LHFPL5: variants seen among roughly 807,000 people sequenced by gnomAD.
LHFPL5 encodes the protein LHFPL tetraspan subfamily member 5.
Under a neutral mutation model 18.7 loss-of-function variants are expected in LHFPL5, and 12 were observed. That is an observed-to-expected ratio of 0.64 (90% CI 0.41 to 1.04). LHFPL5 has a LOEUF of 1.04. LHFPL5 is among the 50% of genes least tolerant of loss of function. The pLI is 0.00. For synonymous variants in LHFPL5, 111 were observed against 120.2 expected, an observed-to-expected ratio of 0.92 and a Z score of 0.50; for missense variants, 259 against 292.1, an observed-to-expected ratio of 0.89 and a Z score of 0.83.
intron 3 of LHFPL5, among the ~76,000 whole-genome samples, chr6:35,820,272 G>A (rs1181859130): frequency 6.6e-6 from 1 of 151,894 alleles, no homozygotes; most frequent in Non-Finnish European, 1.5e-5. Context: ...TCATAGCCGA[G>A]GCAAAAAGAA....
intron 2 of LHFPL5, 71 bp from the exon 3 acceptor site, chr6:35,819,366 A>G: frequency 7.3e-7 from 1 of 1,370,632 alleles, no homozygotes; most frequent in Non-Finnish European, 1.0e-6. Context: ...TTGGAGATGG[A>G]GTAGTGTGCA....
chr6:35,821,250 A>T (rs1226520846), intron 3 of LHFPL5, among the ~76,000 whole-genome samples: 1 of 150,778 alleles, frequency 6.6e-6, no homozygotes, highest in Non-Finnish European at 1.5e-5. Context: ...GTTGCCATGA[A>T]CTGAGATCCC....
chr6:35,815,499 A>C (rs1212679014), intron 2 of LHFPL5, among the ~76,000 whole-genome samples: 2 of 152,120 alleles, frequency 1.3e-5, no homozygotes, highest in Non-Finnish European at 2.9e-5. Flanking sequence ...TTCTTCCCCA[A>C]GTCAAGGGCA....
At chr6:35,809,570 C>T (rs1348011537) in intron 1 of LHFPL5, among the ~76,000 whole-genome samples, 1 of 152,170 alleles carries the variant, frequency 6.6e-6, no homozygotes, top group Non-Finnish European at 1.5e-5. Flanking sequence ...ATGGCATGAA[C>T]ACACCTCATT....
chr6:35,822,133 C>T (rs1308261714), intron 3 of LHFPL5, among the ~76,000 whole-genome samples: 1 of 152,026 alleles, frequency 6.6e-6, no homozygotes, highest in Non-Finnish European at 1.5e-5. Context: ...AAGTCATCCT[C>T]CTGCCTTAGC....
intron 3 of LHFPL5, among the ~76,000 whole-genome samples, chr6:35,822,475 A>ATT (rs1468011055): frequency 1.3e-5 from 2 of 152,000 alleles, no homozygotes; most frequent in Non-Finnish European, 2.9e-5. Flanking sequence ...TTTATTATTT[A>ATT]TTTTTGATAC....
At position 35,819,417 on chromosome 6, in the gene LHFPL5, T is replaced by C. The variant is rs201441445; in HGVS notation, c.650-20T>C. On this transcript the variant is annotated intron_variant, in intron 2 of 3. Transcript: ENST00000360215. ...AACGAGACTTGGTAGTAACGTATAC[T>C]GTTCTCTCCTTCATTACAGAGGAGG... The C allele has an allele frequency of 1.2e-6, 2 of 1,613,690 alleles. No individual in the cohort carries two copies. Among genetic ancestry groups the C allele is most frequent in the East Asian group, 2.2e-5 (1 of 44,882 alleles).
In LHFPL5 at chr6:35,805,564, C is replaced by T; in HGVS notation, c.-107C>T. The stretch of plus-strand genomic sequence containing the variant: ...ACCTCACCTGGTGCCCTGACCTCAG[C>T]CTCCTCCCCAAACCCCGCTGGGGAG... On this transcript the variant is annotated 5_prime_UTR_variant, in exon 1 of 4. Transcript: ENST00000360215. This position sits in a 1 kb window ranked among gnomAD's most constrained non-coding sequence, Gnocchi z 4.3. 8.3e-7 allele frequency: 1 copy of T among 1,206,384 alleles called. No individual in the cohort carries two copies. Among genetic ancestry groups the T allele is most frequent in the South Asian group, 1.3e-5 (1 of 79,722 alleles). The allele number at this position is 1,206,384 out of a possible 1,614,324, so 74.7% of individuals were successfully genotyped here.
intron 3 of LHFPL5, 109 bp downstream of exon 3, chr6:35,819,572 C>T: frequency 1.9e-6 from 2 of 1,036,064 alleles, no homozygotes; most frequent in East Asian, 2.6e-5. Context: ...GGCTGTAAGG[C>T]TGTGATGCTG....
At chr6:35,821,778 GC>G (rs1768872223) in intron 3 of LHFPL5, among the ~76,000 whole-genome samples, 1 of 149,488 alleles carries the variant, frequency 6.7e-6, no homozygotes, top group Admixed American at 6.7e-5. Flanking sequence ...ACCGTGCTCG[GC>G]TCCCTTTTTT....
At chr6:35,810,061 C>G (rs978726673) in intron 1 of LHFPL5, among the ~76,000 whole-genome samples, 2 of 152,232 alleles carry the variant, frequency 1.3e-5, no homozygotes, top group African/African-American at 4.8e-5. Flanking sequence ...TGGTTATACT[C>G]ACTCTACAGT....
At chr6:35,807,941 A>T (rs186769764) in intron 1 of LHFPL5, among the ~76,000 whole-genome samples, 5 of 152,276 alleles carry the variant, frequency 3.3e-5, no homozygotes, top group African/African-American at 1.2e-4. Flanking sequence ...CTATTTTACA[A>T]AGAAGGCCCC....
chr6:35,818,345 A>T lies in LHFPL5; in HGVS notation c.650-1092A>T, dbSNP rs1408766910. Among the ~76,000 whole-genome samples the T allele has an allele frequency of 6.1e-3, 32 of 5,254 alleles. 3 individuals carry two copies. The highest frequency in any genetic ancestry group is 0.01 in the African/African-American group (23 of 2,236). 3.4% of individuals were successfully genotyped at this position (5,254 alleles called of 152,430 possible). On this transcript the variant is annotated intron_variant, in intron 2 of 3. Transcript: ENST00000360215. ...CATATATATATATATATATATATAT[A>T]TATGTATTTTTTTTTTTTTTTTTTT...
chr6:35,816,345 C>CAAA (rs761580974), intron 2 of LHFPL5, among the ~76,000 whole-genome samples: 10 of 77,596 alleles, frequency 1.3e-4, no homozygotes, highest in African/African-American at 3.4e-4. Flanking sequence ...GACTCCGTCT[C>CAAA]AAAAAAAAAA....
Position 35,823,352 on chromosome 6 carries a change from G to T in LHFPL5, c.*387G>T, listed in dbSNP as rs1353708250. The T allele has an allele frequency of 6.8e-6, 1 of 146,272 alleles. No homozygotes were observed. The highest frequency in any genetic ancestry group is 1.5e-5 in the Non-Finnish European group (1 of 66,874). 9.1% of individuals were successfully genotyped at this position (146,272 alleles called of 1,614,324 possible). On this transcript the variant is annotated 3_prime_UTR_variant, in exon 4 of 4. Transcript: ENST00000360215. ...CCATCTCTAGGGGCCTTCCCTCCCA[G>T]GTCTGTGTCTGATAGCATACACACA...
intron 3 of LHFPL5, among the ~76,000 whole-genome samples, chr6:35,821,449 T>G (rs903834533): frequency 9.7e-4 from 117 of 120,436 alleles, no homozygotes; most frequent in Admixed American, 5.1e-3. Context: ...AGCATAATCT[T>G]TGTGTGTGTG....
intron 1 of LHFPL5, among the ~76,000 whole-genome samples, chr6:35,810,331 C>T (rs1488550387): frequency 6.6e-6 from 1 of 152,152 alleles, no homozygotes; most frequent in Non-Finnish European, 1.5e-5. Flanking sequence ...AACATAGCAG[C>T]AGTACCCACT....
intron 1 of LHFPL5, among the ~76,000 whole-genome samples, chr6:35,808,145 T>C (rs1768601428): frequency 6.6e-6 from 1 of 151,728 alleles, no homozygotes. Flanking sequence ...AGGTAGGTGG[T>C]GGCCATGTCA....
intron 2 of LHFPL5, among the ~76,000 whole-genome samples, chr6:35,817,151 C>A: frequency 6.6e-6 from 1 of 152,062 alleles, no homozygotes; most frequent in East Asian, 1.9e-4. Flanking sequence ...GAAACCCTGT[C>A]TCTACTAAAA....
Sources: gnomAD v4.1 joint callset for allele counts (sites outside exome capture counted in the v4.1 genomes callset) on GRCh38, gnomAD v4.1.1 for gene constraint, Gnocchi (gnomAD v3.1) non-coding constraint, MANE v1.5 for transcripts, NCBI Gene and HGNC (gene_info 2026-07-23, HGNC 2026-07-21) for gene names.